The following KCNC2 variants were observed in gnomAD, a reference collection of about 807,000 sequenced individuals.
The protein encoded by KCNC2 is potassium voltage-gated channel subfamily C member 2.
Under a neutral mutation model 44.5 loss-of-function variants are expected in KCNC2, and 21 were observed. That is an observed-to-expected ratio of 0.47 (90% CI 0.33 to 0.68). The LOEUF is 0.68. Ranked by LOEUF, KCNC2 falls within the 30% of genes least tolerant of loss-of-function variation. The probability of loss-of-function intolerance (pLI) is 0.01; values close to 1 mark genes in which losing one functional copy is unlikely to be tolerated. For synonymous variants in KCNC2, 391 were observed against 339.1 expected, an observed-to-expected ratio of 1.15 and a Z score of -1.68; for missense variants, 589 against 826.2, an observed-to-expected ratio of 0.71 and a Z score of 3.52.
chr12:75,149,923 G>C lies in KCNC2; in HGVS notation c.687+57374C>G, dbSNP rs191548107. Among the ~76,000 whole-genome samples the C allele has an allele frequency of 3.3e-5, 5 of 151,828 alleles. No homozygotes were observed. In the East Asian group the frequency reaches 9.7e-4, roughly 29 times the overall value. On this transcript the variant is annotated intron_variant, in intron 2 of 4. Coordinates refer to ENST00000549446, the MANE Select transcript of KCNC2 (RefSeq NM_139137.4). ...ATTTCCATTTCATTCAACCAACAGA[G>C]TCAGTGCTTTTAACATACTAAATTT...
intron 2 of KCNC2, among the ~76,000 whole-genome samples, chr12:75,092,558 A>G (rs1777437971): frequency 2.0e-5 from 3 of 151,648 alleles, no homozygotes; most frequent in Admixed American, 2.0e-4. Context: ...TTCACTGATG[A>G]CAACTTATAT....
chr12:75,133,857 A>G (rs1194334182), intron 2 of KCNC2, among the ~76,000 whole-genome samples: 1 of 151,998 alleles, frequency 6.6e-6, no homozygotes, highest in Non-Finnish European at 1.5e-5. Context: ...GAGTGATGAA[A>G]CAAACAGACA....
intron 2 of KCNC2, among the ~76,000 whole-genome samples, chr12:75,182,791 T>TG: frequency 6.6e-6 from 1 of 152,056 alleles, no homozygotes; most frequent in Non-Finnish European, 1.5e-5. Flanking sequence ...TCACACTAAG[T>TG]GGGATAAATA....
chr12:75,117,429 T>C (rs1245171078), intron 2 of KCNC2, among the ~76,000 whole-genome samples: 2 of 152,236 alleles, frequency 1.3e-5, no homozygotes, highest in Non-Finnish European at 2.9e-5. Flanking sequence ...ACTGACTTTC[T>C]TTTGTAGCAA....
chr12:75,192,682 A>G (rs1032824858), intron 2 of KCNC2, among the ~76,000 whole-genome samples: 1 of 152,188 alleles, frequency 6.6e-6, no homozygotes, highest in African/African-American at 2.4e-5. Flanking sequence ...TTTGGGGATC[A>G]GAATAAATTA....
intron 2 of KCNC2, among the ~76,000 whole-genome samples, chr12:75,090,767 TATC>T (rs1885407360): frequency 6.7e-6 from 1 of 148,408 alleles, no homozygotes; most frequent in Admixed American, 6.9e-5. Context: ...TTGTTGTTAA[TATC>T]ATCATTATCA....
rs75541937 is a variant in KCNC2 at position 75,134,380 on chromosome 12, C to T, written c.687+72917G>A. On this transcript the variant is annotated intron_variant, in intron 2 of 4. Transcript: ENST00000549446. ...ATGATTAATACATATGTGCATGCTT[C>T]TTTATAACACAAAAGGCATGATATT... Among the ~76,000 whole-genome samples the T allele has an allele frequency of 9.6e-3, 1,458 of 151,930 alleles. 24 individuals are homozygous for T. Among genetic ancestry groups the T allele is most frequent in the African/African-American group, 0.033 (1,371 of 41,494 alleles).
At chr12:75,104,904 A>G (rs1394562240) in intron 2 of KCNC2, among the ~76,000 whole-genome samples, 2 of 152,154 alleles carry the variant, frequency 1.3e-5, no homozygotes, top group Non-Finnish European at 2.9e-5. Context: ...TTTTCTTAAT[A>G]TTAGTGGCAA....
intron 2 of KCNC2, among the ~76,000 whole-genome samples, chr12:75,087,519 T>C (rs1213103977): frequency 6.6e-6 from 1 of 152,128 alleles, no homozygotes; most frequent in Non-Finnish European, 1.5e-5. Context: ...ATACATTTTC[T>C]GATTAATCTT....
chr12:75,076,188 C>T (rs1313554619), intron 2 of KCNC2, among the ~76,000 whole-genome samples: 1 of 152,130 alleles, frequency 6.6e-6, no homozygotes, highest in African/African-American at 2.4e-5. Context: ...TTACAGCAGA[C>T]TTAAGAATAT....
intron 2 of KCNC2, among the ~76,000 whole-genome samples, chr12:75,160,496 G>A (rs960527303): frequency 6.6e-6 from 1 of 151,780 alleles, no homozygotes; most frequent in African/African-American, 2.4e-5. Flanking sequence ...CCAGGCCAGG[G>A]TTCAAACACA....
intron 2 of KCNC2, among the ~76,000 whole-genome samples, chr12:75,182,046 T>C (rs540286560): frequency 7.2e-6 from 1 of 139,812 alleles, no homozygotes; most frequent in South Asian, 2.4e-4. Context: ...ATGAGAGAAC[T>C]GAGGGAAAGA....
intron 2 of KCNC2, among the ~76,000 whole-genome samples, chr12:75,203,454 T>C (rs2031456863): frequency 6.6e-6 from 1 of 151,876 alleles, no homozygotes; most frequent in South Asian, 2.1e-4. Context: ...TCACAATCCC[T>C]GTATGATGCA....
chr12:75,206,636 A>G (rs117180789), intron 2 of KCNC2, among the ~76,000 whole-genome samples: 1 of 152,206 alleles, frequency 6.6e-6, no homozygotes, highest in African/African-American at 2.4e-5. Flanking sequence ...ACGAGGCTCA[A>G]AATTCTGTGT....
intron 2 of KCNC2, among the ~76,000 whole-genome samples, chr12:75,125,105 C>CA (rs111942748): frequency 0.015 from 2,208 of 150,882 alleles, 45 homozygotes; most frequent in African/African-American, 0.05. Flanking sequence ...GACTCCGTCT[C>CA]AAAAAAAAAT....
intron 4 of KCNC2, among the ~76,000 whole-genome samples, chr12:75,047,828 T>G (rs1326583506): frequency 6.6e-6 from 1 of 152,116 alleles, no homozygotes; most frequent in African/African-American, 2.4e-5. Flanking sequence ...AAAAGATAAC[T>G]TTTAATGACT....
intron 2 of KCNC2, among the ~76,000 whole-genome samples, chr12:75,138,641 G>A (rs1889399875): frequency 2.0e-5 from 3 of 152,140 alleles, no homozygotes; most frequent in South Asian, 4.1e-4. Context: ...TTAGAAGAAG[G>A]AATTCAAAGC....
At chr12:75,060,397 T>C (rs892821381) in intron 2 of KCNC2, among the ~76,000 whole-genome samples, 5 of 152,074 alleles carry the variant, frequency 3.3e-5, no homozygotes, top group Admixed American at 6.6e-5. Context: ...AATGTGATTA[T>C]GGCACTCACC....
At chr12:75,149,073 A>G (rs1308599683) in intron 2 of KCNC2, among the ~76,000 whole-genome samples, 3 of 151,870 alleles carry the variant, frequency 2.0e-5, no homozygotes, top group Non-Finnish European at 4.4e-5. Context: ...GAATATTAGA[A>G]TGTGAAACCC....
Sources: gnomAD v4.1 joint callset for allele counts (sites outside exome capture counted in the v4.1 genomes callset) on GRCh38, gnomAD v4.1.1 for gene constraint, MANE v1.5 for transcripts, NCBI Gene and HGNC (gene_info 2026-07-23, HGNC 2026-07-21) for gene names.